ANO4: variants seen among roughly 807,000 people sequenced by gnomAD.
ANO4 encodes the protein anoctamin 4.
Under a neutral mutation model 141.9 loss-of-function variants are expected in ANO4, and 69 were observed. That is an observed-to-expected ratio of 0.49 (90% CI 0.40 to 0.59). The LOEUF (loss-of-function observed/expected upper bound fraction) is 0.59. Among genes scored for constraint, ANO4 ranks in the 20% least tolerant of loss-of-function variants. ANO4 has a pLI of 0.00. For synonymous variants in ANO4, 350 were observed against 394.3 expected, an observed-to-expected ratio of 0.89 and a Z score of 1.33; for missense variants, 894 against 1,162.2, an observed-to-expected ratio of 0.77 and a Z score of 3.36.
chr12:100,969,875 G>A (rs2043842706), intron 5 of ANO4, among the ~76,000 whole-genome samples: 1 of 152,172 alleles, frequency 6.6e-6, no homozygotes, highest in Non-Finnish European at 1.5e-5. Context: ...ATTTAAACTA[G>A]CTTGGCTCAT....
intron 5 of ANO4, among the ~76,000 whole-genome samples, chr12:100,952,903 T>A (rs2043028583): frequency 6.6e-6 from 1 of 152,212 alleles, no homozygotes; most frequent in South Asian, 2.1e-4. Flanking sequence ...ATTCAAAGGA[T>A]TATTCCAAAT....
chr12:101,037,500 A>G (rs942165558), intron 10 of ANO4, among the ~76,000 whole-genome samples: 1 of 152,250 alleles, frequency 6.6e-6, no homozygotes, highest in African/African-American at 2.4e-5. Context: ...AGTCTTTGCA[A>G]CAAATAAATG....
chr12:100,808,565 C>G (rs1862323890), intron 1 of ANO4, among the ~76,000 whole-genome samples: 1 of 152,082 alleles, frequency 6.6e-6, no homozygotes. Context: ...TATGAATCTC[C>G]TTAGTTAATG....
At position 100,901,844 on chromosome 12, in the gene ANO4, A is replaced by C. The variant is rs761488427; in HGVS notation, c.55+4A>C. 6 of 1,597,088 alleles carry C rather than the reference A, an allele frequency of 3.8e-6. No individual in the cohort carries two copies. The East Asian group carries it at 1.1e-4, about 30-fold the overall frequency. On this transcript the variant is annotated splice_donor_region_variant and intron_variant, in intron 2 of 27. Transcript: ENST00000392977. ...AAAACCAAAGTCTTCCACCCAGGTGATGCATGGGGAAGTTCAACGGGGACC... is the reference window on the plus strand; with the variant it reads ...AAAACCAAAGTCTTCCACCCAGGTGCTGCATGGGGAAGTTCAACGGGGACC...
intron 1 of ANO4, among the ~76,000 whole-genome samples, chr12:100,835,210 G>A (rs2135787409): frequency 6.6e-6 from 1 of 152,256 alleles, no homozygotes; most frequent in Non-Finnish European, 1.5e-5. Context: ...TGAGCTCTTT[G>A]AGGGAGTGAT....
chr12:101,111,036 T>G (rs1380764388), intron 23 of ANO4, among the ~76,000 whole-genome samples: 1 of 152,252 alleles, frequency 6.6e-6, no homozygotes, highest in Non-Finnish European at 1.5e-5. Context: ...GACTGTCTTT[T>G]ATTCATTTCT....
chr12:100,907,936 T>G (rs2040920219), intron 2 of ANO4, among the ~76,000 whole-genome samples: 1 of 152,214 alleles, frequency 6.6e-6, no homozygotes, highest in Admixed American at 6.5e-5. Context: ...TTAATTGATA[T>G]CCTGTGTTGA....
intron 1 of ANO4, among the ~76,000 whole-genome samples, chr12:100,839,275 C>G (rs554785597): frequency 2.6e-5 from 4 of 152,080 alleles, no homozygotes; most frequent in Non-Finnish European, 5.9e-5. Flanking sequence ...TATGTGATCT[C>G]TCTTTGAGGA....
At chr12:100,975,033 G>T in intron 7 of ANO4, 144 bp downstream of exon 7, 4 of 918,264 alleles carry the variant, frequency 4.4e-6, no homozygotes, top group South Asian at 1.4e-5. Flanking sequence ...AATCAGCTGT[G>T]TCTGATTAGC....
At chr12:100,763,711 T>G (rs1009157813) in intron 3 of ANO4, among the ~76,000 whole-genome samples, 2 of 152,218 alleles carry the variant, frequency 1.3e-5, no homozygotes, top group Non-Finnish European at 2.9e-5. Context: ...TCGGGTCATG[T>G]GGGCTTTCAT....
intron 3 of ANO4, among the ~76,000 whole-genome samples, chr12:100,742,995 A>G (rs1327501506): frequency 1.3e-5 from 2 of 151,884 alleles, no homozygotes; most frequent in Non-Finnish European, 2.9e-5. Context: ...CCATCCATCT[A>G]TCCATCCATC....
intron 8 of ANO4, among the ~76,000 whole-genome samples, chr12:100,989,215 C>A (rs2044922591): frequency 6.6e-6 from 1 of 152,110 alleles, no homozygotes; most frequent in African/African-American, 2.4e-5. Context: ...AGACTGGCCT[C>A]AAAATCTTAG....
chr12:100,941,957 A>AATTATTATTATTATT (rs138288410), intron 4 of ANO4, among the ~76,000 whole-genome samples: 71 of 143,148 alleles, frequency 5.0e-4, no homozygotes, highest in African/African-American at 1.4e-3. Flanking sequence ...CAATGAAAAA[A>AATTATTATTATTATT]ATTATTATTA....
intron 2 of ANO4, among the ~76,000 whole-genome samples, chr12:100,916,225 G>A (rs768273478): frequency 4.6e-5 from 7 of 152,108 alleles, no homozygotes; most frequent in Non-Finnish European, 4.4e-5. Context: ...GATTTTTATT[G>A]TAAGCCCTTT....
At chr12:100,786,691 C>T (rs2033884628) in intron 3 of ANO4, among the ~76,000 whole-genome samples, 1 of 152,142 alleles carries the variant, frequency 6.6e-6, no homozygotes, top group African/African-American at 2.4e-5. Context: ...CCCAAGGTGC[C>T]TCAATTACTT....
rs1379241719 is a variant in ANO4, at chr12:101,128,298, A to C, written c.*442A>C. The C allele has an allele frequency of 6.6e-6, 1 of 152,638 alleles. No individual in the cohort carries two copies. 9.5% of individuals were successfully genotyped at this position (152,638 alleles called of 1,614,324 possible). A position where few individuals can be genotyped will look rare whatever the true frequency, so the allele number is the denominator to read the frequency against. ...CATATGGTCCTAATTCCATGTCACCAACAACACAGACAAGACCCTGTTTAC... is the reference window on the plus strand; with the variant it reads ...CATATGGTCCTAATTCCATGTCACCCACAACACAGACAAGACCCTGTTTAC... On this transcript the variant is annotated 3_prime_UTR_variant, in exon 28 of 28. Coordinates refer to ENST00000392977, the MANE Select transcript of ANO4 (RefSeq NM_001286615.2).
intron 22 of ANO4, among the ~76,000 whole-genome samples, chr12:101,106,369 CTT>C (rs1174663408): frequency 1.3e-5 from 2 of 151,740 alleles, no homozygotes; most frequent in East Asian, 1.9e-4. Flanking sequence ...AGGAGGTAAA[CTT>C]ATATATTAGA....
At chr12:101,019,949 A>G in intron 8 of ANO4, 85 bp from the exon 9 acceptor site, 1 of 1,069,936 alleles carries the variant, frequency 9.3e-7, no homozygotes, top group Non-Finnish European at 1.4e-6. Flanking sequence ...AGACATCTGC[A>G]TCTGAGCAAC....
chr12:100,976,912 T>G (rs1419288701), intron 7 of ANO4, among the ~76,000 whole-genome samples: 1 of 152,218 alleles, frequency 6.6e-6, no homozygotes, highest in African/African-American at 2.4e-5. Flanking sequence ...GGGAGAAGTC[T>G]TATTCTTGTT....
Sources: gnomAD v4.1 joint callset for allele counts (sites outside exome capture counted in the v4.1 genomes callset) on GRCh38, gnomAD v4.1.1 for gene constraint, MANE v1.5 for transcripts, NCBI Gene and HGNC (gene_info 2026-07-23, HGNC 2026-07-21) for gene names.